BTBD9: variants seen among roughly 807,000 people sequenced by gnomAD.
The protein encoded by BTBD9 is BTB/POZ domain-containing protein 9.
In BTBD9, 49 loss-of-function variants were observed where a neutral mutation model predicts 64.3. The ratio of observed to expected loss-of-function variants is 0.76; its 90% CI spans 0.61 to 0.97. BTBD9 has a LOEUF of 0.97. Among genes scored for constraint, BTBD9 ranks in the 50% least tolerant of loss-of-function variants. The pLI, the probability that BTBD9 is intolerant of heterozygous loss-of-function variation, is 0.00. For missense variants in BTBD9, 598 were observed against 762.1 expected, an observed-to-expected ratio of 0.78 and a Z score of 2.53; for synonymous variants, 260 against 274.7, an observed-to-expected ratio of 0.95 and a Z score of 0.53.
intron 6 of BTBD9, among the ~76,000 whole-genome samples, chr6:38,451,247 C>G (rs909927648): frequency 8.5e-5 from 13 of 152,124 alleles, no homozygotes; most frequent in African/African-American, 3.1e-4. Context: ...TCTCATTGCC[C>G]AGACACATAC....
intron 9 of BTBD9, among the ~76,000 whole-genome samples, chr6:38,232,329 G>A (rs990335122): frequency 6.6e-6 from 1 of 151,506 alleles, no homozygotes; most frequent in South Asian, 2.1e-4. Flanking sequence ...GGAGTGCAGT[G>A]GCACAATCTC....
intron 6 of BTBD9, 144 bp from the exon 7 acceptor site, chr6:38,345,237 T>C: frequency 4.0e-6 from 2 of 503,864 alleles, no homozygotes; most frequent in East Asian, 5.6e-5. Flanking sequence ...CTTCAGACTC[T>C]ATATCTGCTC....
At chr6:38,419,812 GT>G (rs1255661468) in intron 6 of BTBD9, among the ~76,000 whole-genome samples, 1 of 152,166 alleles carries the variant, frequency 6.6e-6, no homozygotes, top group African/African-American at 2.4e-5. Context: ...AGAGGTTGCG[GT>G]AAGCCGAGAT....
intron 7 of BTBD9, among the ~76,000 whole-genome samples, chr6:38,335,015 T>C (rs1763838667): frequency 6.6e-6 from 1 of 152,116 alleles, no homozygotes; most frequent in Non-Finnish European, 1.5e-5. Flanking sequence ...CATGCTGTTC[T>C]CATTATAGTG....
intron 6 of BTBD9, among the ~76,000 whole-genome samples, chr6:38,435,200 TG>T (rs1225954902): frequency 5.5e-5 from 2 of 36,302 alleles, no homozygotes; most frequent in African/African-American, 9.5e-5. Context: ...TCTCGGGGGG[TG>T]GGGGGGAAGT....
At chr6:38,431,355 T>C (rs1206350046) in intron 6 of BTBD9, among the ~76,000 whole-genome samples, 1 of 152,228 alleles carries the variant, frequency 6.6e-6, no homozygotes, top group African/African-American at 2.4e-5. Flanking sequence ...CCAGTTGTGT[T>C]TTAAGTGCTT....
At chr6:38,427,271 C>G (rs530735854) in intron 6 of BTBD9, among the ~76,000 whole-genome samples, 3 of 151,750 alleles carry the variant, frequency 2.0e-5, no homozygotes, top group Admixed American at 2.0e-4. Context: ...AGGAGGATTG[C>G]TTGAGCCCAG....
intron 8 of BTBD9, among the ~76,000 whole-genome samples, chr6:38,274,584 C>T (rs527463056): frequency 1.3e-5 from 2 of 152,256 alleles, no homozygotes; most frequent in African/African-American, 4.8e-5. Context: ...GAGTTTTTAG[C>T]ATGAAGGATT....
At chr6:38,462,119 A>G (rs1349567301) in intron 6 of BTBD9, among the ~76,000 whole-genome samples, 1 of 152,134 alleles carries the variant, frequency 6.6e-6, no homozygotes, top group Non-Finnish European at 1.5e-5. Context: ...ATCTTTTCAT[A>G]TTCTTAAAAG....
At chr6:38,469,562 C>T (rs1225015771) in intron 6 of BTBD9, among the ~76,000 whole-genome samples, 2 of 152,016 alleles carry the variant, frequency 1.3e-5, no homozygotes, top group Non-Finnish European at 2.9e-5. Context: ...CCTCATGATC[C>T]GCCCATCTCG....
At chr6:38,283,481 CT>C (rs1761598355) in intron 8 of BTBD9, among the ~76,000 whole-genome samples, 1 of 152,064 alleles carries the variant, frequency 6.6e-6, no homozygotes, top group African/African-American at 2.4e-5. Flanking sequence ...GACCCTGTCT[CT>C]ACAAAAAATT....
intron 6 of BTBD9, among the ~76,000 whole-genome samples, chr6:38,395,593 C>T (rs1256838336): frequency 6.6e-6 from 1 of 152,154 alleles, no homozygotes; most frequent in Non-Finnish European, 1.5e-5. Context: ...ATAAGCTACC[C>T]AGTTAATAGT....
intron 6 of BTBD9, among the ~76,000 whole-genome samples, chr6:38,490,768 T>A (rs536708548): frequency 6.6e-6 from 1 of 152,326 alleles, no homozygotes; most frequent in East Asian, 1.9e-4. Flanking sequence ...AAAACGAATG[T>A]CTGACAGGAG....
intron 10 of BTBD9, among the ~76,000 whole-genome samples, chr6:38,175,520 T>C (rs1016852689): frequency 6.6e-6 from 1 of 151,578 alleles, no homozygotes; most frequent in Non-Finnish European, 1.5e-5. Flanking sequence ...TTAATTTTTG[T>C]ATTTGGCAGT....
At chr6:38,496,256 TATA>T (rs1771948874) in intron 6 of BTBD9, among the ~76,000 whole-genome samples, 1 of 152,188 alleles carries the variant, frequency 6.6e-6, no homozygotes, top group Non-Finnish European at 1.5e-5. Context: ...TCTTACTTTT[TATA>T]ATATTTTAAA....
At chr6:38,212,431 C>T (rs536914744) in intron 9 of BTBD9, among the ~76,000 whole-genome samples, 1 of 152,202 alleles carries the variant, frequency 6.6e-6, no homozygotes, top group South Asian at 2.1e-4. Flanking sequence ...TGGGGCATGA[C>T]CCTGCACAGG....
intron 8 of BTBD9, among the ~76,000 whole-genome samples, chr6:38,272,644 G>A (rs999158697): frequency 2.0e-5 from 3 of 152,048 alleles, no homozygotes; most frequent in Non-Finnish European, 2.9e-5. Context: ...GAACACAACC[G>A]TGACAAAGTC....
chr6:38,226,597 AG>A (rs752334412), intron 9 of BTBD9, among the ~76,000 whole-genome samples: 6 of 152,238 alleles, frequency 3.9e-5, no homozygotes, highest in Non-Finnish European at 8.8e-5. Context: ...ACTGAAGAGT[AG>A]GCAAGGAGAA....
intron 6 of BTBD9, among the ~76,000 whole-genome samples, chr6:38,422,620 C>T (rs191729739): frequency 6.6e-6 from 1 of 151,998 alleles, no homozygotes; most frequent in African/African-American, 2.4e-5. Context: ...CCCTGTAGAA[C>T]AGGGATCTAA....
Sources: allele counts gnomAD v4.1 joint callset (sites outside exome capture counted in the v4.1 genomes callset), GRCh38; gene constraint gnomAD v4.1.1; transcripts MANE v1.5; gene names NCBI Gene and HGNC (gene_info 2026-07-23, HGNC 2026-07-21).